The following CSNK2A1 variants were observed in gnomAD, a reference collection of about 807,000 sequenced individuals.
CSNK2A1 encodes casein kinase II subunit alpha.
CSNK2A1 carries 10 observed loss-of-function variants against 62.9 expected under a neutral mutation model. The ratio of observed to expected loss-of-function variants is 0.16; its 90% CI spans 0.10 to 0.27. The LOEUF (loss-of-function observed/expected upper bound fraction) is 0.27, where lower values mean the gene tolerates loss of function less well. Ranked by LOEUF, CSNK2A1 falls within the 10% of genes least tolerant of loss-of-function variation. The probability of loss-of-function intolerance (pLI) is 1.00; values close to 1 mark genes in which losing one functional copy is unlikely to be tolerated. For synonymous variants in CSNK2A1, 124 were observed against 167.8 expected, an observed-to-expected ratio of 0.74 and a Z score of 2.02; for missense variants, 160 against 492.0, an observed-to-expected ratio of 0.33 and a Z score of 6.38.
rs1380782815 is a variant in CSNK2A1 at position 481,486 on chromosome 20, C to T, written c.*2475G>A. The T allele has an allele frequency of 7.5e-6, 1 of 133,346 alleles. No individual in the cohort carries two copies. The highest frequency in any genetic ancestry group is 1.6e-5 in the Non-Finnish European group (1 of 62,618). The allele number at this position is 133,346 out of a possible 1,614,324, so 8.3% of individuals were successfully genotyped here. Reference sequence around the variant, plus strand: ...TGTTACTCTGTAAACCCTTGCCTCCCCCCCACCCCCCACCCAATTGGGTCT... The same window carrying T: ...TGTTACTCTGTAAACCCTTGCCTCCTCCCCACCCCCCACCCAATTGGGTCT... On this transcript the variant is annotated 3_prime_UTR_variant, in exon 14 of 14. Transcript: ENST00000217244.
intron 2 of CSNK2A1, among the ~76,000 whole-genome samples, chr20:518,297 A>G (rs1237432950): frequency 6.6e-6 from 1 of 152,214 alleles, no homozygotes; most frequent in Non-Finnish European, 1.5e-5. Flanking sequence ...CAAGACAAAA[A>G]GTCTAATAGG....
chr20:535,526 C>T (rs1273286245), intron 1 of CSNK2A1, among the ~76,000 whole-genome samples: 3 of 152,070 alleles, frequency 2.0e-5, no homozygotes, highest in South Asian at 2.1e-4. Context: ...GAGGCTGAGG[C>T]GGGTGGATCA....
Position 475,225 on chromosome 20 carries a change from G to C in CSNK2A1, c.*8736C>G, listed in dbSNP as rs528610831. 1.3e-5 allele frequency: 2 copies of C among 152,142 alleles called. No homozygotes were observed. The highest frequency in any genetic ancestry group is 2.9e-5 in the Non-Finnish European group (2 of 68,030). 9.4% of individuals were successfully genotyped at this position (152,142 alleles called of 1,614,324 possible). A position where few individuals can be genotyped will look rare whatever the true frequency, so the allele number is the denominator to read the frequency against. The stretch of plus-strand genomic sequence containing the variant: ...TATAATCTCAGCACTTTTGGAGGCC[G>C]AGGCAGGCAGATTACTTGATGTCAG... On this transcript the variant is annotated 3_prime_UTR_variant, in exon 14 of 14. Coordinates refer to ENST00000217244, the MANE Select transcript of CSNK2A1 (RefSeq NM_177559.3).
intron 4 of CSNK2A1, chr20:501,433 A>G (rs1217874704): frequency 6.6e-6 from 1 of 152,192 alleles, no homozygotes; most frequent in African/African-American, 2.4e-5. Context: ...TACAAACCAC[A>G]TGTGTAATTT....
rs963502412 is a variant in CSNK2A1, at chr20:481,713, G to A, written c.*2248C>T. On this transcript the variant is annotated 3_prime_UTR_variant, in exon 14 of 14. Coordinates refer to ENST00000217244, the MANE Select transcript of CSNK2A1 (RefSeq NM_177559.3). ...CAGCCTAAGCTACACCTCAATTTCC[G>A]AGCTACAAGGATAGGGTATGAAGTC... 2.6e-5 allele frequency: 4 copies of A among 151,950 alleles called. No homozygotes were observed. Among genetic ancestry groups the A allele is most frequent in the African/African-American group, 9.7e-5 (4 of 41,354 alleles). 9.4% of individuals were successfully genotyped at this position (151,950 alleles called of 1,614,324 possible). A position where few individuals can be genotyped will look rare whatever the true frequency, so the allele number is the denominator to read the frequency against.
In CSNK2A1 at chr20:542,667, G is replaced by A. The variant is rs1299844737; in HGVS notation, c.-227+1005C>T. 2.0e-5 allele frequency among the ~76,000 whole-genome samples: 3 copies of A among 152,154 alleles called. No individual in the cohort carries two copies. In the East Asian group the frequency reaches 5.8e-4, roughly 29 times the overall value. ...AGGCTGGTCTCGAACTCCTGACCTC[G>A]TGATCCACCCGCCTCGGCCTCCCAG... is the stretch of plus-strand genomic sequence containing the variant. On this transcript the variant is annotated intron_variant, in intron 1 of 13. Coordinates refer to ENST00000217244, the MANE Select transcript of CSNK2A1 (RefSeq NM_177559.3).
In CSNK2A1 at chr20:472,745, C is replaced by G. The variant is rs1382498025; in HGVS notation, c.*11216G>C. On this transcript the variant is annotated 3_prime_UTR_variant, in exon 14 of 14. Coordinates refer to ENST00000217244, the MANE Select transcript of CSNK2A1 (RefSeq NM_177559.3). Reference sequence around the variant, plus strand: ...TTTATCTAGGTAAGTTCCTATACAACTCCCCTGTTATCTGCCCTTTGCTCT... The same window carrying G: ...TTTATCTAGGTAAGTTCCTATACAAGTCCCCTGTTATCTGCCCTTTGCTCT... The G allele has an allele frequency of 6.6e-6, 1 of 152,232 alleles. No homozygotes were observed. The highest frequency in any genetic ancestry group is 1.5e-5 in the Non-Finnish European group (1 of 68,044). 9.4% of individuals were successfully genotyped at this position (152,232 alleles called of 1,614,324 possible). A position where few individuals can be genotyped will look rare whatever the true frequency, so the allele number is the denominator to read the frequency against.
chr20:538,702 G>C (rs1049051866), intron 1 of CSNK2A1, among the ~76,000 whole-genome samples: 4 of 152,072 alleles, frequency 2.6e-5, no homozygotes, highest in Non-Finnish European at 4.4e-5. Flanking sequence ...GCTGGGGTGG[G>C]GTGGGAGGTG....
Position 478,460 on chromosome 20 carries a change from T to C in CSNK2A1, c.*5501A>G, listed in dbSNP as rs1385473279. ...CAGCCCCAGCTGCTGCAGCATTTTT[T>C]TCCCTTTTTCTCATTACAGGAGCCA... On this transcript the variant is annotated 3_prime_UTR_variant, in exon 14 of 14. Coordinates refer to ENST00000217244, the MANE Select transcript of CSNK2A1 (RefSeq NM_177559.3). 1 of 218,168 alleles carries C rather than the reference T, an allele frequency of 4.6e-6. No individual in the cohort carries two copies. Among genetic ancestry groups the C allele is most frequent in the Non-Finnish European group, 9.6e-6 (1 of 104,664 alleles). 13.5% of individuals were successfully genotyped at this position (218,168 alleles called of 1,614,324 possible).
chr20:502,025 T>A lies in CSNK2A1; in HGVS notation c.214-2091A>T, dbSNP rs1199340687. 2.0e-5 allele frequency: 3 copies of A among 152,218 alleles called. No individual in the cohort carries two copies. The East Asian group carries it at 5.8e-4, about 29-fold the overall frequency. The allele number at this position is 152,218 out of a possible 1,614,324, so 9.4% of individuals were successfully genotyped here. On this transcript the variant is annotated intron_variant, in intron 4 of 13. Coordinates refer to ENST00000217244, the MANE Select transcript of CSNK2A1 (RefSeq NM_177559.3). ...AGCAGATTTTGGAAACATTGACAGTTCTCAAAACCTGGCTTTGTGGTTGTG... is the reference window on the plus strand; with the variant it reads ...AGCAGATTTTGGAAACATTGACAGTACTCAAAACCTGGCTTTGTGGTTGTG...
intron 2 of CSNK2A1, among the ~76,000 whole-genome samples, chr20:514,092 C>T (rs2018780505): frequency 3.3e-5 from 5 of 152,072 alleles, no homozygotes; most frequent in Admixed American, 2.0e-4. Flanking sequence ...TGTGGTGGCT[C>T]ATACCTATAA....
At chr20:512,078 CAG>C (rs946144216) in intron 2 of CSNK2A1, among the ~76,000 whole-genome samples, 4 of 152,062 alleles carry the variant, frequency 2.6e-5, no homozygotes, top group African/African-American at 7.2e-5. Flanking sequence ...TTTATAGAGA[CAG>C]GGGTCTTGCT....
chr20:505,351 GTTTT>G (rs746624346), intron 3 of CSNK2A1, 122 bp from the exon 4 acceptor site: 1,617 of 234,344 alleles, frequency 6.9e-3, no homozygotes, highest in East Asian at 0.012. Context: ...TCCCAAATAG[GTTTT>G]TTTTTTTTTT....
intron 1 of CSNK2A1, among the ~76,000 whole-genome samples, chr20:540,610 C>T (rs2019430223): frequency 6.6e-6 from 1 of 152,144 alleles, no homozygotes; most frequent in Non-Finnish European, 1.5e-5. Flanking sequence ...TTACCGCTCA[C>T]TGCAGCCTTG....
At chr20:531,866 A>G (rs914328909) in intron 1 of CSNK2A1, among the ~76,000 whole-genome samples, 1 of 152,236 alleles carries the variant, frequency 6.6e-6, no homozygotes, top group African/African-American at 2.4e-5. Flanking sequence ...TCAGGTAGAG[A>G]TAACAGTTTT....
chr20:505,048 A>T (rs2018546397), intron 4 of CSNK2A1, 70 bp downstream of exon 4: 4 of 1,367,644 alleles, frequency 2.9e-6, no homozygotes, highest in Non-Finnish European at 3.0e-6. Flanking sequence ...ATGCTGTTTT[A>T]AAAAAGTCTT....
At chr20:488,814 G>C in intron 10 of CSNK2A1, 36 bp from the exon 11 acceptor site, 2 of 1,541,684 alleles carry the variant, frequency 1.3e-6, no homozygotes, top group South Asian at 1.2e-5. Flanking sequence ...CATATCACAA[G>C]CATATTATAT....
intron 2 of CSNK2A1, among the ~76,000 whole-genome samples, chr20:523,211 G>A (rs1028979096): frequency 6.6e-6 from 1 of 152,136 alleles, no homozygotes; most frequent in African/African-American, 2.4e-5. Context: ...AAATAGTACT[G>A]TATAGCCATT....
chr20:480,434 AC>A lies in CSNK2A1; in HGVS notation c.*3526del, dbSNP rs1192986802. 3.3e-5 allele frequency: 5 copies of A among 152,052 alleles called. No individual in the cohort carries two copies. The highest frequency in any genetic ancestry group is 9.7e-5 in the African/African-American group (4 of 41,370). The allele number at this position is 152,052 out of a possible 1,614,324, so 9.4% of individuals were successfully genotyped here. ...AAAACGAACCCACTTAAAAAAAAAA[AC>A]AAAAGGTTTTAATGAGGATTGCATA... is the stretch of plus-strand genomic sequence containing the variant. On this transcript the variant is annotated 3_prime_UTR_variant, in exon 14 of 14. Transcript: ENST00000217244.
Sources: gnomAD v4.1 joint callset for allele counts (sites outside exome capture counted in the v4.1 genomes callset) on GRCh38, gnomAD v4.1.1 for gene constraint, MANE v1.5 for transcripts, NCBI Gene and HGNC (gene_info 2026-07-23, HGNC 2026-07-21) for gene names.